Variants in ZBTB46 observed in about 807,000 individuals in gnomAD.
ZBTB46 encodes zinc finger and BTB domain containing 46, also known as zinc finger and BTB domain-containing protein 46.
Under a neutral mutation model 44.1 loss-of-function variants are expected in ZBTB46, and 8 were observed. The ratio of observed to expected loss-of-function variants is 0.18; its 90% confidence interval spans 0.11 to 0.33. The LOEUF is 0.33. Ranked by LOEUF, ZBTB46 falls within the 10% of genes least tolerant of loss-of-function variation. The probability of loss-of-function intolerance (pLI) is 1.00; values close to 1 mark genes in which losing one functional copy is unlikely to be tolerated. For synonymous variants in ZBTB46, 409 were observed against 382.3 expected (o/e 1.07, Z -0.81); for missense variants, 651 against 847.7 (o/e 0.77, Z 2.88).
At chr20:63,809,015 A>G (rs1385681614) in intron 1 of ZBTB46, among the ~76,000 whole-genome samples, 1 of 151,360 alleles carries the variant, frequency 6.6e-6, no homozygotes, top group African/African-American at 2.4e-5. Context: ...AGAAAAAAAA[A>G]AAAGAAAGAA....
intron 3 of ZBTB46, among the ~76,000 whole-genome samples, chr20:63,766,828 G>A (rs952709583): frequency 2.6e-5 from 4 of 152,214 alleles, no homozygotes; most frequent in Admixed American, 1.3e-4. Context: ...GATGGGGACC[G>A]TCCGGAAAGG....
At chr20:63,833,011 G>C (rs578135274), upstream of ZBTB46, among the ~76,000 whole-genome samples, 1 of 152,218 alleles carries the variant, frequency 6.6e-6, no homozygotes, top group East Asian at 1.9e-4. Flanking sequence ...CCTGATGCCT[G>C]CCCCAAGGGC....
chr20:63,790,363 C>A lies in ZBTB46; in HGVS notation c.395G>T (p.Ser132Ile). The change falls in exon 2 of 5, where the codon AGC becomes ATC. Residue 132 changes from serine (S) to isoleucine (I), a missense_variant. Ser to Ile is a moderately radical substitution (Grantham distance 142). Coordinates refer to ENST00000245663, the MANE Select transcript of ZBTB46 (RefSeq NM_001369741.1). ...HDFIKAALDI[S>I]IKSDASDELA... ...CTCATCTGAGGCGTCCGACTTGATG[C>A]TGATGTCCAGCGCCGCCTTGATGAA... 1 of 1,613,142 alleles carries A rather than the reference C, an allele frequency of 6.2e-7. No individual in the cohort carries two copies. Among genetic ancestry groups the A allele is most frequent in the Non-Finnish European group, 8.5e-7 (1 of 1,179,960 alleles).
At chr20:63,769,163 G>A in intron 3 of ZBTB46, 3 of 984,122 alleles carry the variant, frequency 3.0e-6, no homozygotes, top group Non-Finnish European at 3.6e-6. Flanking sequence ...CTGGGCCGTG[G>A]CCACGCACAC....
intron 3 of ZBTB46, chr20:63,768,136 A>G: frequency 1.0e-6 from 1 of 985,422 alleles, no homozygotes; most frequent in Non-Finnish European, 1.2e-6. Context: ...GGAAGACTGT[A>G]ATTAATTCTC....
At chr20:63,797,597 G>A (rs887601548) in intron 1 of ZBTB46, among the ~76,000 whole-genome samples, 1 of 152,182 alleles carries the variant, frequency 6.6e-6, no homozygotes, top group African/African-American at 2.4e-5. Flanking sequence ...CACAATGGTT[G>A]AACTAGTTTA....
intron 1 of ZBTB46, among the ~76,000 whole-genome samples, chr20:63,793,118 C>A (rs2092574269): frequency 4.2e-5 from 6 of 141,554 alleles, no homozygotes; most frequent in Admixed American, 3.5e-4. Flanking sequence ...CAAGACCAGG[C>A]CCCCGCCTGA....
chr20:63,781,387 G>C (rs1483473002), intron 2 of ZBTB46, among the ~76,000 whole-genome samples: 1 of 152,096 alleles, frequency 6.6e-6, no homozygotes, highest in East Asian at 1.9e-4. Flanking sequence ...AGAGCCTCAC[G>C]GTCACCACGT....
chr20:63,831,024 T>TCCCGGCTCCGGGCCCGGCC (rs1314689202), intron 1 of ZBTB46, 73 bp downstream of exon 1: 1 of 138,476 alleles, frequency 7.2e-6, no homozygotes, highest in African/African-American at 2.6e-5. Flanking sequence ...GGCTCCCGGC[T>TCCCGGCTCCGGGCCCGGCC]CCCGGCTCCG....
chr20:63,822,649 G>A lies in ZBTB46; in HGVS notation c.-34+8448C>T, dbSNP rs1188233079. ...GAAACAGGAACAGCACTGACCACAC[G>A]GCGAGCACAGGACACGGCCAACCCG... On this transcript the variant is annotated intron_variant, in intron 1 of 4. Coordinates refer to ENST00000245663, the MANE Select transcript of ZBTB46 (RefSeq NM_001369741.1). 3.9e-5 allele frequency among the ~76,000 whole-genome samples: 6 copies of A among 152,218 alleles called. No individual in the cohort carries two copies. In the East Asian group the frequency reaches 7.7e-4, roughly 20 times the overall value.
At chr20:63,774,993 G>A (rs899273157) in intron 3 of ZBTB46, among the ~76,000 whole-genome samples, 2 of 152,058 alleles carry the variant, frequency 1.3e-5, no homozygotes, top group Non-Finnish European at 1.5e-5. Flanking sequence ...GTGAGCCACC[G>A]CGCCCGGCCC....
chr20:63,829,669 C>G (rs2092837526), intron 1 of ZBTB46, among the ~76,000 whole-genome samples: 1 of 152,236 alleles, frequency 6.6e-6, no homozygotes, highest in Non-Finnish European at 1.5e-5. Flanking sequence ...TAAAACACAC[C>G]GAGCAGAAAG....
At position 63,802,688 on chromosome 20, in the gene ZBTB46, C is replaced by T. The variant is rs563279349; in HGVS notation, c.-33-11898G>A. 9.1e-4 allele frequency among the ~76,000 whole-genome samples: 116 copies of T among 126,874 alleles called. 1 individual carries two copies. Among genetic ancestry groups the T allele is most frequent in the African/African-American group, 3.3e-3 (107 of 32,386 alleles). 83.2% of individuals were successfully genotyped at this position (126,874 alleles called of 152,430 possible). A position where few individuals can be genotyped will look rare whatever the true frequency, so the allele number is the denominator to read the frequency against. On this transcript the variant is annotated intron_variant, in intron 1 of 4. Transcript: ENST00000245663. ...CCCCCAGCACCCTCCCAGGAACCGC[C>T]GCGGCCGACGACCGAACCTCAGGCC...
intron 3 of ZBTB46, 134 bp downstream of exon 3, chr20:63,775,544 C>T (rs2092417817): frequency 1.6e-6 from 2 of 1,239,834 alleles, no homozygotes; most frequent in Non-Finnish European, 2.2e-6. Flanking sequence ...CCTCACCTCC[C>T]GCAACAGGGA....
rs1196915067 is a variant in ZBTB46 at position 63,754,857 on chromosome 20, TCAAAGTTATGGGATTACAGGCGTGAGCCA to T, written c.1223-2025_1223-1997del. On this transcript the variant is annotated intron_variant, in intron 3 of 4. Coordinates refer to ENST00000245663, the MANE Select transcript of ZBTB46 (RefSeq NM_001369741.1). ...CTCGTGATCCGCCCGCCTCGGCCTC[TCAAAGTTATGGGATTACAGGCGTGAGCCA>T]CCGCGCCTGGCCAAAACTCTTTTGA... 7.3e-5 allele frequency among the ~76,000 whole-genome samples: 11 copies of T among 151,384 alleles called. No homozygotes were observed. The East Asian group carries it at 2.0e-3, about 27-fold the overall frequency.
At chr20:63,794,430 C>T (rs533010527) in intron 1 of ZBTB46, among the ~76,000 whole-genome samples, 4 of 151,956 alleles carry the variant, frequency 2.6e-5, no homozygotes, top group South Asian at 2.1e-4. Context: ...TGGGCTCAAG[C>T]GATCTTCCCA....
At chr20:63,753,526 C>T (rs1007243929) in intron 3 of ZBTB46, among the ~76,000 whole-genome samples, 19 of 152,350 alleles carry the variant, frequency 1.2e-4, no homozygotes, top group Middle Eastern at 3.4e-3. Flanking sequence ...ACCCTCAGCA[C>T]GCCCAGTGCC....
chr20:63,818,576 C>T (rs1053650916), intron 1 of ZBTB46, among the ~76,000 whole-genome samples: 1 of 152,188 alleles, frequency 6.6e-6, no homozygotes, highest in Non-Finnish European at 1.5e-5. Flanking sequence ...GCATCACTGG[C>T]TGGTCGCGGT....
chr20:63,763,972 CTTTTTT>C (rs919500386), intron 3 of ZBTB46, among the ~76,000 whole-genome samples: 14 of 148,846 alleles, frequency 9.4e-5, no homozygotes, highest in Non-Finnish European at 1.6e-4. Context: ...TTTTCTTTTT[CTTTTTT>C]TTTTAAATAA....
Sources: gnomAD v4.1 joint callset for allele counts (sites outside exome capture counted in the v4.1 genomes callset) on GRCh38, gnomAD v4.1.1 for gene constraint, MANE v1.5 for transcripts, NCBI Gene and HGNC (gene_info 2026-07-23, HGNC 2026-07-21) for gene names.